Variants in FSTL5 observed in about 807,000 individuals in gnomAD.
The protein encoded by FSTL5 is follistatin like 5.
In FSTL5, 62 loss-of-function variants were observed where a neutral mutation model predicts 89.1. The ratio of observed to expected loss-of-function variants is 0.70; its 90% CI spans 0.57 to 0.86. The LOEUF is 0.86. Ranked by LOEUF, FSTL5 falls within the 40% of genes least tolerant of loss-of-function variation. The pLI, the probability that FSTL5 is intolerant of heterozygous loss-of-function variation, is 0.00. For missense variants in FSTL5, 1,057 were observed against 1,001.6 expected, an observed-to-expected ratio of 1.06 and a Z score of -0.75; for synonymous variants, 383 against 346.2, an observed-to-expected ratio of 1.11 and a Z score of -1.18.
chr4:161,648,264 G>A (rs1322235631), intron 7 of FSTL5, among the ~76,000 whole-genome samples: 1 of 152,100 alleles, frequency 6.6e-6, no homozygotes, highest in Non-Finnish European at 1.5e-5. Context: ...AACTAAAAGA[G>A]CACCCTGTAA....
intron 4 of FSTL5, among the ~76,000 whole-genome samples, chr4:161,791,972 A>G (rs942070584): frequency 2.0e-5 from 3 of 152,180 alleles, no homozygotes; most frequent in Non-Finnish European, 4.4e-5. Context: ...GGGCCCTTCC[A>G]AGATGGCCGG....
intron 15 of FSTL5, among the ~76,000 whole-genome samples, chr4:161,406,632 G>C (rs1731388222): frequency 6.6e-6 from 1 of 152,054 alleles, no homozygotes. Context: ...CTCTATTCCT[G>C]TTGAGCTGTC....
intron 3 of FSTL5, among the ~76,000 whole-genome samples, chr4:162,022,531 TA>T (rs1737128081): frequency 6.6e-6 from 1 of 152,024 alleles, no homozygotes; most frequent in Non-Finnish European, 1.5e-5. Context: ...AAGAAAAAAA[TA>T]AAACGTAATG....
chr4:162,000,596 T>C (rs1472967333), intron 3 of FSTL5, among the ~76,000 whole-genome samples: 1 of 139,002 alleles, frequency 7.2e-6, no homozygotes, highest in Admixed American at 7.3e-5. Flanking sequence ...AGACTCAGTC[T>C]AAAAAAAAAA....
At chr4:161,781,805 G>C (rs1400135066) in intron 4 of FSTL5, among the ~76,000 whole-genome samples, 1 of 151,994 alleles carries the variant, frequency 6.6e-6, no homozygotes. Context: ...CATTCTATGG[G>C]TTCTGACAAT....
At chr4:161,694,008 T>G (rs1560793741) in intron 6 of FSTL5, among the ~76,000 whole-genome samples, 1 of 152,172 alleles carries the variant, frequency 6.6e-6, no homozygotes, top group Non-Finnish European at 1.5e-5. Flanking sequence ...TTTAGTTATT[T>G]GCTTCTTTCT....
chr4:162,105,547 C>T (rs967175814), intron 2 of FSTL5, among the ~76,000 whole-genome samples: 5 of 151,670 alleles, frequency 3.3e-5, no homozygotes, highest in African/African-American at 9.7e-5. Context: ...ATCACAAAAA[C>T]GGGTAGGATG....
intron 2 of FSTL5, among the ~76,000 whole-genome samples, chr4:162,063,975 CA>C (rs1346092019): frequency 5.3e-5 from 8 of 151,894 alleles, no homozygotes; most frequent in Non-Finnish European, 1.2e-4. Flanking sequence ...AAAAAATAGA[CA>C]AACATGTGAA....
At chr4:161,755,338 T>A (rs549400321) in intron 6 of FSTL5, among the ~76,000 whole-genome samples, 1 of 152,104 alleles carries the variant, frequency 6.6e-6, no homozygotes, top group Non-Finnish European at 1.5e-5. Context: ...AAACACATTA[T>A]GTCTACTGGA....
intron 15 of FSTL5, among the ~76,000 whole-genome samples, chr4:161,438,909 T>C (rs1462063829): frequency 6.6e-6 from 1 of 151,986 alleles, no homozygotes; most frequent in African/African-American, 2.4e-5. Context: ...ATATCCCTTC[T>C]AAAGTCTATG....
chr4:161,431,314 G>A (rs1018557116), intron 15 of FSTL5, among the ~76,000 whole-genome samples: 6 of 152,022 alleles, frequency 3.9e-5, no homozygotes, highest in Admixed American at 3.9e-4. Flanking sequence ...GGAAAGCAAA[G>A]TTAAAATGTA....
At chr4:161,995,582 C>A (rs1244234934) in intron 3 of FSTL5, among the ~76,000 whole-genome samples, 3 of 152,028 alleles carry the variant, frequency 2.0e-5, no homozygotes, top group Non-Finnish European at 4.4e-5. Flanking sequence ...TTTGTCAGTA[C>A]CTAGGAATGC....
intron 6 of FSTL5, 123 bp from the exon 7 acceptor site, chr4:161,656,617 T>C (rs911561818): frequency 1.9e-6 from 1 of 528,006 alleles, no homozygotes; most frequent in African/African-American, 2.0e-5. Context: ...AAGCTTGTGA[T>C]GAAATGAAAA....
At chr4:161,656,770 A>G (rs1736534416) in intron 6 of FSTL5, among the ~76,000 whole-genome samples, 1 of 152,198 alleles carries the variant, frequency 6.6e-6, no homozygotes, top group Non-Finnish European at 1.5e-5. Context: ...TTGCACCCAA[A>G]AGAGAGATAA....
chr4:161,532,202 A>G (rs1331332099), intron 10 of FSTL5, among the ~76,000 whole-genome samples: 1 of 140,118 alleles, frequency 7.1e-6, no homozygotes, highest in Non-Finnish European at 1.5e-5. Context: ...TCCATCTCCA[A>G]AAAAAAAAAA....
intron 4 of FSTL5, among the ~76,000 whole-genome samples, chr4:161,828,139 G>A (rs544175043): frequency 1.8e-4 from 28 of 152,268 alleles, no homozygotes; most frequent in Middle Eastern, 3.4e-3. Context: ...ACTTCCTGTC[G>A]GGTCTTCTAT....
chr4:161,666,058 C>T (rs920978951), intron 6 of FSTL5, among the ~76,000 whole-genome samples: 7 of 151,874 alleles, frequency 4.6e-5, no homozygotes, highest in Non-Finnish European at 8.8e-5. Context: ...ATAACTTTGA[C>T]AACATTAAAA....
chr4:161,850,750 A>T (rs568386359), intron 4 of FSTL5, among the ~76,000 whole-genome samples: 1 of 152,340 alleles, frequency 6.6e-6, no homozygotes, highest in East Asian at 1.9e-4. Flanking sequence ...TGGAACCAAC[A>T]ATTACATGGA....
chr4:161,892,670 T>A (rs1381275775), intron 4 of FSTL5, among the ~76,000 whole-genome samples: 1 of 152,042 alleles, frequency 6.6e-6, no homozygotes, highest in Non-Finnish European at 1.5e-5. Flanking sequence ...ACATCACAGT[T>A]TAATCTGATT....
Sources: gnomAD v4.1 joint callset for allele counts (sites outside exome capture counted in the v4.1 genomes callset) on GRCh38, gnomAD v4.1.1 for gene constraint, MANE v1.5 for transcripts, NCBI Gene and HGNC (gene_info 2026-07-23, HGNC 2026-07-21) for gene names.